ALS2: variants seen among roughly 807,000 people sequenced by gnomAD.
The protein encoded by ALS2 is alsin Rho guanine nucleotide exchange factor ALS2, also known as alsin.
Under a neutral mutation model 203.4 loss-of-function variants are expected in ALS2, and 117 were observed. The ratio of observed to expected loss-of-function variants is 0.58; its 90% CI spans 0.50 to 0.67. The LOEUF is 0.67. Among genes scored for constraint, ALS2 ranks in the 30% least tolerant of loss-of-function variants. The pLI, the probability that ALS2 is intolerant of heterozygous loss-of-function variation, is 0.00. For synonymous variants in ALS2, 718 were observed against 725.9 expected (o/e 0.99, Z 0.17); for missense variants, 1,715 against 1,989.4 (o/e 0.86, Z 2.62).
intron 1 of ALS2, among the ~76,000 whole-genome samples, chr2:201,773,434 A>G (rs1228239058): frequency 6.6e-6 from 1 of 152,132 alleles, no homozygotes; most frequent in Non-Finnish European, 1.5e-5. Context: ...GACCAAGGAG[A>G]AGCAGGTATC....
intron 23 of ALS2, chr2:201,722,757 C>A: frequency 5.2e-6 from 2 of 385,738 alleles, no homozygotes; most frequent in Non-Finnish European, 9.3e-6. Context: ...TACAAAAGGC[C>A]CAAAAAAGGC....
intron 28 of ALS2, among the ~76,000 whole-genome samples, chr2:201,707,293 A>T (rs1410812601): frequency 1.3e-5 from 2 of 152,146 alleles, no homozygotes; most frequent in Non-Finnish European, 2.9e-5. Context: ...CTCTGAGGTT[A>T]TTCTAGGACA....
intron 1 of ALS2, among the ~76,000 whole-genome samples, chr2:201,772,911 G>C (rs895243029): frequency 5.0e-5 from 7 of 139,122 alleles, no homozygotes; most frequent in African/African-American, 1.9e-4. Context: ...GCCTGGGCTA[G>C]AGTGCAATGG....
At chr2:201,772,983 TC>T (rs1228706107) in intron 1 of ALS2, among the ~76,000 whole-genome samples, 5 of 148,698 alleles carry the variant, frequency 3.4e-5, no homozygotes, top group African/African-American at 7.4e-5. Flanking sequence ...TGCCTCAGCC[TC>T]CCGAGTAGCT....
chr2:201,706,523 A>C (rs1689726982), intron 29 of ALS2, among the ~76,000 whole-genome samples: 1 of 117,332 alleles, frequency 8.5e-6, no homozygotes, highest in Non-Finnish European at 1.8e-5. Flanking sequence ...ACCAGGCAAA[A>C]TAGCTCACAC....
At chr2:201,735,047 C>T (rs1210841925) in intron 12 of ALS2, among the ~76,000 whole-genome samples, 1 of 152,122 alleles carries the variant, frequency 6.6e-6, no homozygotes, top group Non-Finnish European at 1.5e-5. Context: ...GAAATTTTGA[C>T]GTATGCTACA....
At chr2:201,759,818 G>C (rs1450790688) in intron 4 of ALS2, 3 of 984,938 alleles carry the variant, frequency 3.0e-6, no homozygotes, top group Non-Finnish European at 3.6e-6. Context: ...AAACACTGCA[G>C]GACAGATCTT....
chr2:201,726,073 T>A (rs1691145290), intron 19 of ALS2, among the ~76,000 whole-genome samples: 1 of 152,194 alleles, frequency 6.6e-6, no homozygotes, highest in Non-Finnish European at 1.5e-5. Context: ...TTGGAAAATT[T>A]CTCCTTTAAC....
At chr2:201,708,687 T>C (rs1689869969) in intron 27 of ALS2, among the ~76,000 whole-genome samples, 1 of 152,236 alleles carries the variant, frequency 6.6e-6, no homozygotes, top group African/African-American at 2.4e-5. Context: ...TGAGGAATTT[T>C]TTTTCCTGGG....
At chr2:201,728,731 A>C in intron 14 of ALS2, 91 bp from the exon 15 acceptor site, 1 of 1,491,418 alleles carries the variant, frequency 6.7e-7, no homozygotes, top group South Asian at 1.2e-5. Context: ...ATCACATTTA[A>C]GGGAATTTGC....
At chr2:201,708,525 T>C (rs1689861194) in intron 27 of ALS2, among the ~76,000 whole-genome samples, 1 of 152,166 alleles carries the variant, frequency 6.6e-6, no homozygotes. Context: ...ATCCTATCAG[T>C]AAGTTTTCAA....
chr2:201,725,217 T>A lies in ALS2; in HGVS notation c.3347+139A>T. ...CTTTAAAAGATGATCACACAGAGTTTCAATTTTATTTACTCCTCTAAATTT... is the reference window on the plus strand; with the variant it reads ...CTTTAAAAGATGATCACACAGAGTTACAATTTTATTTACTCCTCTAAATTT... On this transcript the variant is annotated intron_variant, in intron 20 of 33. Coordinates refer to ENST00000264276, the MANE Select transcript of ALS2 (RefSeq NM_020919.4). 6 of 721,872 alleles carry A rather than the reference T, an allele frequency of 8.3e-6. No homozygotes were observed. In the South Asian group the frequency reaches 9.4e-5, roughly 11 times the overall value. The allele number at this position is 721,872 out of a possible 1,614,324, so 44.7% of individuals were successfully genotyped here. A position where few individuals can be genotyped will look rare whatever the true frequency, so the allele number is the denominator to read the frequency against.
chr2:201,727,790 A>G lies in ALS2; in HGVS notation c.2842-15T>C, dbSNP rs773600111. On this transcript the variant is annotated splice_polypyrimidine_tract_variant and intron_variant, in intron 15 of 33. Coordinates refer to ENST00000264276, the MANE Select transcript of ALS2 (RefSeq NM_020919.4). ...TGCGTGGAGAACTGAAACAGAGAAC[A>G]CGGAGGCACTTTTATGAAAGCCCAT... 3.2e-6 allele frequency: 5 copies of G among 1,551,418 alleles called. No individual in the cohort carries two copies. In the South Asian group the frequency reaches 5.9e-5, roughly 18 times the overall value.
intron 29 of ALS2, 117 bp downstream of exon 29, chr2:201,706,729 G>A: frequency 9.5e-7 from 1 of 1,054,252 alleles, no homozygotes; most frequent in Non-Finnish European, 1.4e-6. Flanking sequence ...GAAGACATAT[G>A]CAAAAAATAA....
At chr2:201,727,897 G>A in intron 15 of ALS2, 122 bp from the exon 16 acceptor site, 2 of 973,534 alleles carry the variant, frequency 2.1e-6, no homozygotes, top group South Asian at 1.4e-5. Context: ...AGAACCCCTT[G>A]AAATAGTTAA....
At chr2:201,736,939 C>T (rs942498844) in intron 12 of ALS2, among the ~76,000 whole-genome samples, 2 of 152,064 alleles carry the variant, frequency 1.3e-5, no homozygotes, top group Non-Finnish European at 1.5e-5. Flanking sequence ...ACAGCAAATG[C>T]CCCCATGAAA....
At chr2:201,759,389 G>C (rs1228575714) in intron 4 of ALS2, 1 of 955,054 alleles carries the variant, frequency 1.0e-6, no homozygotes, top group Non-Finnish European at 1.2e-6. Context: ...AATTCCTTGT[G>C]AATTAGCTGT....
chr2:201,739,072 T>C (rs1163632990), intron 11 of ALS2, among the ~76,000 whole-genome samples: 1 of 151,082 alleles, frequency 6.6e-6, no homozygotes, highest in East Asian at 2.0e-4. Context: ...AACCCGACTT[T>C]ACAAAAAAAT....
chr2:201,779,428 TGTCA>T (rs934822585), intron 1 of ALS2, among the ~76,000 whole-genome samples: 1 of 152,220 alleles, frequency 6.6e-6, no homozygotes, highest in Admixed American at 6.5e-5. Context: ...GTATAGATTC[TGTCA>T]GTATCTTTTT....
Sources: allele counts gnomAD v4.1 joint callset (sites outside exome capture counted in the v4.1 genomes callset), GRCh38; gene constraint gnomAD v4.1.1; transcripts MANE v1.5; gene names NCBI Gene and HGNC (gene_info 2026-07-23, HGNC 2026-07-21).